LY96: variants seen among roughly 807,000 people sequenced by gnomAD.
LY96 encodes myeloid differentiation protein-2.
A neutral mutation model predicts 18.9 loss-of-function variants in LY96; 18 were observed. The ratio of observed to expected loss-of-function variants is 0.95; its 90% confidence interval spans 0.66 to 1.41. The LOEUF (loss-of-function observed/expected upper bound fraction) is 1.41. Ranked by LOEUF, LY96 falls within the 40% of genes most tolerant of loss-of-function variation. The pLI is 0.00. For synonymous variants in LY96, 66 were observed against 62.6 expected (o/e 1.06, Z -0.26); for missense variants, 175 against 182.4 (o/e 0.96, Z 0.23).
At chr8:74,036,748 C>T in the LY96 span, among the ~76,000 whole-genome samples, 4 of 152,290 alleles carry the variant, frequency 2.6e-5, no homozygotes, top group Admixed American at 1.3e-4. Context: ...GTGCCATGGT[C>T]TCAGTGAATT....
the LY96 span, among the ~76,000 whole-genome samples, chr8:74,064,139 A>C: frequency 6.6e-6 from 1 of 152,224 alleles, no homozygotes; most frequent in Non-Finnish European, 1.5e-5. Context: ...CCAAAAAACC[A>C]ATATAAAACA....
At chr8:74,056,815 A>G in the LY96 span, among the ~76,000 whole-genome samples, 1 of 152,200 alleles carries the variant, frequency 6.6e-6, no homozygotes, top group East Asian at 1.9e-4. Context: ...TCCAGAGAAG[A>G]GTCCAGGCAG....
At chr8:74,088,662 T>C in the LY96 span, among the ~76,000 whole-genome samples, 1 of 152,208 alleles carries the variant, frequency 6.6e-6, no homozygotes, top group Non-Finnish European at 1.5e-5. Context: ...CTCGGCTCAC[T>C]GCAACCTCTG....
the LY96 span, among the ~76,000 whole-genome samples, chr8:74,043,027 AG>A: frequency 1.3e-5 from 2 of 152,100 alleles, no homozygotes; most frequent in Non-Finnish European, 1.5e-5. Flanking sequence ...CACCCACTTC[AG>A]CCTCCCAAAG....
At chr8:74,049,891 A>G in the LY96 span, among the ~76,000 whole-genome samples, 5 of 152,218 alleles carry the variant, frequency 3.3e-5, no homozygotes, top group Non-Finnish European at 7.3e-5. Flanking sequence ...CGTGGTGTGC[A>G]TCTGTAGTCC....
the LY96 span, among the ~76,000 whole-genome samples, chr8:74,065,085 C>T: frequency 6.6e-6 from 1 of 152,224 alleles, no homozygotes; most frequent in Non-Finnish European, 1.5e-5. Context: ...GACTTCAACT[C>T]TTTAGACAAA....
Position 74,010,016 on chromosome 8 carries a change from A to G in LY96, c.218A>G (p.Gln73Arg), listed in dbSNP as rs1421571481. The stretch of plus-strand genomic sequence containing the variant: ...TCTTTTAAAGGGAGAGATTTAAAGC[A>G]ATTATATTTCAATCTCTATATAACT... The part of the protein sequence containing the change: ...IFYIPRRDLK[Q>R]LYFNLYITVN... The change falls in exon 3 of 5, where the codon CAA (glutamine) becomes CGA (arginine). Residue 73 changes from glutamine to arginine, a missense_variant. Transcript: ENST00000284818. 6 of 1,602,662 alleles carry G rather than the reference A, an allele frequency of 3.7e-6. No individual in the cohort carries two copies. Among genetic ancestry groups the G allele is most frequent in the Non-Finnish European group, 5.1e-6 (6 of 1,169,696 alleles).
Position 74,002,069 on chromosome 8 carries a change from TCC to T in LY96, c.113-2726_113-2725del, listed in dbSNP as rs1491299206. Among the ~76,000 whole-genome samples, 66 of 33,296 alleles carry T rather than the reference TCC, an allele frequency of 2.0e-3. 9 individuals are homozygous for T. Among genetic ancestry groups the T allele is most frequent in the African/African-American group, 2.8e-3 (13 of 4,704 alleles). 21.8% of individuals were successfully genotyped at this position (33,296 alleles called of 152,430 possible). A position where few individuals can be genotyped will look rare whatever the true frequency, so the allele number is the denominator to read the frequency against. ...TTCCTTCCTTCCTTCCTTCCTTCCT[TCC>T]TTCCTTTCTTTCTTTCTTTCTTTCT... On this transcript the variant is annotated intron_variant, in intron 1 of 4. Coordinates refer to ENST00000284818, the MANE Select transcript of LY96 (RefSeq NM_015364.5).
intron 1 of LY96, among the ~76,000 whole-genome samples, chr8:73,999,178 C>T (rs1816213383): frequency 6.6e-6 from 1 of 152,088 alleles, no homozygotes. Flanking sequence ...CCATGTTGGC[C>T]AGGCTGATCT....
chr8:74,062,273 G>C, the LY96 span, among the ~76,000 whole-genome samples: 1 of 152,090 alleles, frequency 6.6e-6, no homozygotes, highest in African/African-American at 2.4e-5. Flanking sequence ...TACATGTGCA[G>C]GATGTGCAGG....
chr8:74,039,645 G>C, the LY96 span, among the ~76,000 whole-genome samples: 8 of 152,110 alleles, frequency 5.3e-5, no homozygotes, highest in African/African-American at 9.7e-5. Flanking sequence ...CATAGGACAG[G>C]GGGCCCTTCC....
chr8:74,039,669 G>A, the LY96 span, among the ~76,000 whole-genome samples: 1 of 152,150 alleles, frequency 6.6e-6, no homozygotes, highest in African/African-American at 2.4e-5. Context: ...TTAGGTAGCC[G>A]AAGCAGAGAT....
At chr8:74,041,278 TATC>T in the LY96 span, among the ~76,000 whole-genome samples, 2 of 152,226 alleles carry the variant, frequency 1.3e-5, no homozygotes, top group Non-Finnish European at 2.9e-5. Context: ...TTAATCCTGT[TATC>T]ATCATAAGCT....
downstream of LY96, among the ~76,000 whole-genome samples, chr8:74,030,330 T>A (rs1032528754): frequency 1.3e-5 from 2 of 152,048 alleles, no homozygotes; most frequent in Non-Finnish European, 2.9e-5. Context: ...CTGGCCAACA[T>A]GGTGAAATCC....
chr8:74,018,861 T>C (rs1246735285), intron 3 of LY96, among the ~76,000 whole-genome samples: 2 of 152,166 alleles, frequency 1.3e-5, no homozygotes, highest in African/African-American at 4.8e-5. Flanking sequence ...AATAAAGATA[T>C]TCTTTGAAAC....
At chr8:74,019,077 G>A (rs554987613) in intron 3 of LY96, among the ~76,000 whole-genome samples, 9 of 152,140 alleles carry the variant, frequency 5.9e-5, no homozygotes, top group Admixed American at 1.3e-4. Context: ...TAAGATCAGA[G>A]CAGAACTGAA....
chr8:74,093,111 A>G, the LY96 span, among the ~76,000 whole-genome samples: 1 of 152,178 alleles, frequency 6.6e-6, no homozygotes, highest in South Asian at 2.1e-4. Flanking sequence ...GTTCCCAAAC[A>G]GGTCTCAGGG....
chr8:74,097,160 C>A, the LY96 span, among the ~76,000 whole-genome samples: 18 of 152,034 alleles, frequency 1.2e-4, no homozygotes, highest in African/African-American at 4.3e-4. Context: ...AATGACCCAG[C>A]CTTGAAAGTA....
chr8:74,013,558 G>A (rs1455676869), intron 3 of LY96, among the ~76,000 whole-genome samples: 1 of 152,146 alleles, frequency 6.6e-6, no homozygotes, highest in Admixed American at 6.5e-5. Flanking sequence ...AGAGTGCTGG[G>A]ATTACAGGTG....
Sources: allele counts gnomAD v4.1 joint callset (sites outside exome capture counted in the v4.1 genomes callset), GRCh38; gene constraint gnomAD v4.1.1; transcripts MANE v1.5; gene names NCBI Gene and HGNC (gene_info 2026-07-23, HGNC 2026-07-21).